The following SLC9A9 variants were observed in gnomAD, a reference collection of about 807,000 sequenced individuals.
The protein encoded by SLC9A9 is solute carrier family 9 member A9, also known as sodium/hydrogen exchanger 9.
Under a neutral mutation model 77.8 loss-of-function variants are expected in SLC9A9, and 62 were observed. The observed-to-expected ratio is 0.80, with a 90% CI of 0.65 to 0.98. The LOEUF (loss-of-function observed/expected upper bound fraction) is 0.98. SLC9A9 is among the 50% of genes least tolerant of loss of function. SLC9A9 has a pLI of 0.00. For synonymous variants in SLC9A9, 320 were observed against 283.5 expected, an observed-to-expected ratio of 1.13 and a Z score of -1.29; for missense variants, 775 against 774.9, an observed-to-expected ratio of 1.00 and a Z score of 0.00.
At chr3:143,362,712 A>T (rs1373667348) in intron 14 of SLC9A9, among the ~76,000 whole-genome samples, 1 of 152,174 alleles carries the variant, frequency 6.6e-6, no homozygotes, top group African/African-American at 2.4e-5. Flanking sequence ...AGCTACAAAG[A>T]CCCAACACAT....
intron 12 of SLC9A9, among the ~76,000 whole-genome samples, chr3:143,449,982 AT>A (rs1349655749): frequency 1.7e-5 from 1 of 59,096 alleles, no homozygotes; most frequent in African/African-American, 1.2e-4. Context: ...TATATATTAT[AT>A]GTATATATAC....
chr3:143,641,203 A>T (rs1360947601), intron 6 of SLC9A9, among the ~76,000 whole-genome samples: 2 of 152,078 alleles, frequency 1.3e-5, no homozygotes, highest in Non-Finnish European at 2.9e-5. Context: ...CAAAGAAGAG[A>T]GCCTAAAATT....
At chr3:143,760,004 G>C (rs1053985498) in intron 4 of SLC9A9, among the ~76,000 whole-genome samples, 2 of 151,910 alleles carry the variant, frequency 1.3e-5, no homozygotes, top group African/African-American at 4.8e-5. Flanking sequence ...TTTCACATAG[G>C]AACTGAACAA....
chr3:143,844,702 ACTTT>A (rs1363959940), intron 1 of SLC9A9, among the ~76,000 whole-genome samples: 1 of 150,834 alleles, frequency 6.6e-6, no homozygotes, highest in African/African-American at 2.4e-5. Context: ...TAAAAGTTTA[ACTTT>A]CTTTCTCTTT....
intron 14 of SLC9A9, among the ~76,000 whole-genome samples, chr3:143,349,733 A>G (rs950780584): frequency 6.6e-6 from 1 of 152,204 alleles, no homozygotes; most frequent in African/African-American, 2.4e-5. Context: ...TGGTATATCA[A>G]TGTTGTATTC....
intron 12 of SLC9A9, among the ~76,000 whole-genome samples, chr3:143,396,575 T>C (rs1356552291): frequency 6.6e-6 from 1 of 152,152 alleles, no homozygotes; most frequent in African/African-American, 2.4e-5. Flanking sequence ...ACATGTACCC[T>C]AGACCTTAAA....
intron 6 of SLC9A9, among the ~76,000 whole-genome samples, chr3:143,582,149 G>C (rs2037466427): frequency 6.6e-6 from 1 of 152,138 alleles, no homozygotes; most frequent in African/African-American, 2.4e-5. Context: ...TCATATTGTG[G>C]GTACTTTTAT....
At position 143,451,530 on chromosome 3, in the gene SLC9A9, C is replaced by T. The variant is rs1299919782; in HGVS notation, c.1469+15507G>A. 5.3e-5 allele frequency among the ~76,000 whole-genome samples: 8 copies of T among 151,924 alleles called. No individual in the cohort carries two copies. The East Asian group carries it at 1.2e-3, about 22-fold the overall frequency. ...GACTGTAATATATTAAAACATAAGG[C>T]TTTATGTTTTAAAAGAGAAGTTAAG... On this transcript the variant is annotated intron_variant, in intron 12 of 15. Transcript: ENST00000316549.
At chr3:143,494,839 TG>T (rs2035806521) in intron 10 of SLC9A9, among the ~76,000 whole-genome samples, 1 of 152,236 alleles carries the variant, frequency 6.6e-6, no homozygotes, top group South Asian at 2.1e-4. Flanking sequence ...ATGCTTATGA[TG>T]TTGAAAGCAC....
intron 4 of SLC9A9, among the ~76,000 whole-genome samples, chr3:143,722,136 A>C (rs1482113648): frequency 6.6e-6 from 1 of 151,970 alleles, no homozygotes; most frequent in African/African-American, 2.4e-5. Flanking sequence ...ACTGGGTAGC[A>C]CTCCCCGTTC....
intron 4 of SLC9A9, among the ~76,000 whole-genome samples, chr3:143,729,479 T>C (rs1158357554): frequency 6.6e-6 from 1 of 152,196 alleles, no homozygotes; most frequent in Non-Finnish European, 1.5e-5. Flanking sequence ...CCTGTCCACA[T>C]GTCTGTCTCC....
chr3:143,471,991 GA>G (rs1472116747), intron 11 of SLC9A9, among the ~76,000 whole-genome samples: 1 of 152,224 alleles, frequency 6.6e-6, no homozygotes, highest in Non-Finnish European at 1.5e-5. Flanking sequence ...GGGCAAAAGT[GA>G]AGCCTTTAAT....
chr3:143,670,377 A>T (rs544730080), intron 5 of SLC9A9, among the ~76,000 whole-genome samples: 2 of 152,358 alleles, frequency 1.3e-5, no homozygotes, highest in East Asian at 3.9e-4. Context: ...AATGGGCAGA[A>T]CAATGTCAAG....
rs2032405026 is a variant in SLC9A9, at chr3:143,350,002, A to G, written c.1604+13482T>C. Reference sequence around the variant, plus strand: ...AAGAACTGGCTCAGTAGGTAAATGGAGCAGGTTCATATAAATAGGATTCTA... The same window carrying G: ...AAGAACTGGCTCAGTAGGTAAATGGGGCAGGTTCATATAAATAGGATTCTA... On this transcript the variant is annotated intron_variant, in intron 14 of 15. Coordinates refer to ENST00000316549, the MANE Select transcript of SLC9A9 (RefSeq NM_173653.4). 2.0e-5 allele frequency among the ~76,000 whole-genome samples: 3 copies of G among 152,172 alleles called. No individual in the cohort carries two copies. In the South Asian group the frequency reaches 6.2e-4, roughly 32 times the overall value.
intron 2 of SLC9A9, among the ~76,000 whole-genome samples, chr3:143,807,809 G>A (rs1031685714): frequency 6.6e-6 from 1 of 152,166 alleles, no homozygotes; most frequent in Non-Finnish European, 1.5e-5. Flanking sequence ...AGGCCAGAGG[G>A]GCTGGGTGGA....
Position 143,522,999 on chromosome 3 carries a change from T to C in SLC9A9, c.1090-27551A>G, listed in dbSNP as rs571356171. 5.3e-5 allele frequency among the ~76,000 whole-genome samples: 8 copies of C among 152,224 alleles called. No homozygotes were observed. The East Asian group carries it at 1.4e-3, about 26-fold the overall frequency. On this transcript the variant is annotated intron_variant, in intron 9 of 15. Transcript: ENST00000316549. ...TCTCATTAGGCCTTCGTGATTTCAT[T>C]TGGGTCCCAGGTCATTGCTTATTTT...
At chr3:143,689,657 A>G (rs1016354788) in intron 5 of SLC9A9, among the ~76,000 whole-genome samples, 1 of 142,140 alleles carries the variant, frequency 7.0e-6, no homozygotes, top group African/African-American at 2.6e-5. Flanking sequence ...TGATCCTCTC[A>G]CCTTGGCCTC....
intron 6 of SLC9A9, among the ~76,000 whole-genome samples, chr3:143,629,016 G>T (rs765355069): frequency 2.0e-5 from 3 of 152,134 alleles, no homozygotes. Flanking sequence ...TAACTATTTA[G>T]TCTTTTTGGG....
intron 12 of SLC9A9, among the ~76,000 whole-genome samples, chr3:143,456,209 A>AT (rs1178394793): frequency 6.6e-6 from 1 of 152,124 alleles, no homozygotes; most frequent in Non-Finnish European, 1.5e-5. Flanking sequence ...AGTGATTGAT[A>AT]TTTACCTACT....
Sources: allele counts gnomAD v4.1 joint callset (sites outside exome capture counted in the v4.1 genomes callset), GRCh38; gene constraint gnomAD v4.1.1; transcripts MANE v1.5; gene names NCBI Gene and HGNC (gene_info 2026-07-23, HGNC 2026-07-21).